Variants in VPS53 observed in about 807,000 individuals in gnomAD.
VPS53 encodes the protein VPS53 subunit of GARP complex, also known as vacuolar protein sorting-associated protein 53 homolog.
VPS53 carries 70 observed loss-of-function variants against 107.0 expected under a neutral mutation model. That is an observed-to-expected ratio of 0.65 (90% CI 0.54 to 0.80). The LOEUF is 0.80. Among genes scored for constraint, VPS53 ranks in the 30% least tolerant of loss-of-function variants. VPS53 has a pLI of 0.00. For synonymous variants in VPS53, 409 were observed against 393.3 expected, an observed-to-expected ratio of 1.04 and a Z score of -0.47; for missense variants, 917 against 1,049.4, an observed-to-expected ratio of 0.87 and a Z score of 1.74.
At chr17:599,233 C>G (rs1401750109) in intron 12 of VPS53, among the ~76,000 whole-genome samples, 1 of 152,038 alleles carries the variant, frequency 6.6e-6, no homozygotes, top group African/African-American at 2.4e-5. Context: ...GCCCGGCCAC[C>G]ACCCTGTCTG....
At chr17:543,982 G>A (rs1298880228) in intron 17 of VPS53, among the ~76,000 whole-genome samples, 7 of 97,404 alleles carry the variant, frequency 7.2e-5, no homozygotes, top group African/African-American at 2.4e-4. Flanking sequence ...AGGGAGGAAC[G>A]GAGAGAGGGA....
At chr17:693,192 C>T (rs554802716) in intron 4 of VPS53, among the ~76,000 whole-genome samples, 1 of 152,240 alleles carries the variant, frequency 6.6e-6, no homozygotes, top group South Asian at 2.1e-4. Context: ...AGCCTAGCAG[C>T]CATCTCGGCT....
intron 7 of VPS53, among the ~76,000 whole-genome samples, chr17:651,088 TACAC>T (rs1050626872): frequency 9.9e-5 from 15 of 152,104 alleles, no homozygotes; most frequent in Non-Finnish European, 1.6e-4. Flanking sequence ...TTTATGTAAA[TACAC>T]ACACAAATCC....
At chr17:657,881 G>C (rs1397042973) in intron 5 of VPS53, among the ~76,000 whole-genome samples, 1 of 151,810 alleles carries the variant, frequency 6.6e-6, no homozygotes, top group Non-Finnish European at 1.5e-5. Flanking sequence ...GGAGTTCGTG[G>C]ATAGATACAT....
At chr17:695,170 G>A (rs187632392) in intron 4 of VPS53, among the ~76,000 whole-genome samples, 113 of 152,302 alleles carry the variant, frequency 7.4e-4, no homozygotes, top group African/African-American at 2.6e-3. Flanking sequence ...ACAAGAATGG[G>A]GCTGTGGGAT....
intron 4 of VPS53, among the ~76,000 whole-genome samples, chr17:690,077 C>A (rs904111238): frequency 6.6e-6 from 1 of 152,184 alleles, no homozygotes; most frequent in Non-Finnish European, 1.5e-5. Context: ...GCACGTCACA[C>A]GGCTCTGAAT....
chr17:639,582 G>T (rs1242156372), intron 7 of VPS53, among the ~76,000 whole-genome samples: 1 of 152,198 alleles, frequency 6.6e-6, no homozygotes, highest in African/African-American at 2.4e-5. Context: ...GTGACGTACA[G>T]ATGGGGTTTT....
intron 19 of VPS53, among the ~76,000 whole-genome samples, chr17:525,602 GA>G (rs1185963091): frequency 1.3e-5 from 2 of 152,092 alleles, no homozygotes; most frequent in Non-Finnish European, 2.9e-5. Flanking sequence ...GCTGAGGTGG[GA>G]AGATGGCTTA....
intron 11 of VPS53, among the ~76,000 whole-genome samples, chr17:621,915 C>A (rs945877881): frequency 1.3e-5 from 2 of 151,938 alleles, no homozygotes; most frequent in African/African-American, 4.8e-5. Context: ...CCCTAATATT[C>A]TGTTATTAAA....
chr17:655,915 G>T lies in VPS53; in HGVS notation c.411C>A (p.His137Gln), dbSNP rs765870836. The T allele has an allele frequency of 6.2e-7, 1 of 1,613,862 alleles. No individual in the cohort carries two copies. Among genetic ancestry groups the T allele is most frequent in the Non-Finnish European group, 8.5e-7 (1 of 1,179,930 alleles). Residue 137 changes from histidine to glutamine, a missense_variant, in exon 6 of 22, where the codon CAC becomes CAA. His to Gln is a conservative substitution (Grantham distance 24, BLOSUM62 0). Coordinates refer to ENST00000437048, the MANE Select transcript of VPS53 (RefSeq NM_001128159.3). The part of the protein sequence containing the change: ...EITRDIKQLD[H>Q]AKRHLTTSIT... ...TTGAGGTGGTCAGGTGGCGTTTGGC[G>T]TGATCTAATTGCTTAATATCACGGG...
intron 6 of VPS53, among the ~76,000 whole-genome samples, chr17:654,510 G>A (rs934038716): frequency 3.2e-4 from 49 of 151,892 alleles, no homozygotes; most frequent in Middle Eastern, 3.2e-3. Context: ...AGGCCGAGGC[G>A]GGCAGATCAC....
At position 656,037 on chromosome 17, in the gene VPS53, G is replaced by T. The variant is rs1419880658; in HGVS notation, c.373-84C>A. The T allele has an allele frequency of 5.0e-6, 5 of 994,860 alleles. No homozygotes were observed. In the South Asian group the frequency reaches 6.4e-5, roughly 13 times the overall value. 61.6% of individuals were successfully genotyped at this position (994,860 alleles called of 1,614,324 possible). ...TTCTGCAAGTAGCTCTGTAAGAAACGAATGCAGATGAAGCAGGGAAAAATC... is the reference window on the plus strand; with the variant it reads ...TTCTGCAAGTAGCTCTGTAAGAAACTAATGCAGATGAAGCAGGGAAAAATC... On this transcript the variant is annotated intron_variant, in intron 5 of 21. Transcript: ENST00000437048.
chr17:633,034 A>G (rs1468528220), intron 7 of VPS53, among the ~76,000 whole-genome samples: 1 of 152,206 alleles, frequency 6.6e-6, no homozygotes, highest in African/African-American at 2.4e-5. Context: ...AAAACCAGCT[A>G]GAAAGGGGAG....
At chr17:708,252 C>A (rs1973494337) in intron 2 of VPS53, among the ~76,000 whole-genome samples, 1 of 152,144 alleles carries the variant, frequency 6.6e-6, no homozygotes, top group African/African-American at 2.4e-5. Flanking sequence ...GGCAAGGAGG[C>A]AGGGTAAGGA....
chr17:597,865 C>T lies in VPS53; in HGVS notation c.1218+3930G>A, dbSNP rs192747549. ...GATTACAGGCATGAGCCACCATTCCCGGCCATTTTTTTTTTAAATTACATA... is the reference window on the plus strand; with the variant it reads ...GATTACAGGCATGAGCCACCATTCCTGGCCATTTTTTTTTTAAATTACATA... On this transcript the variant is annotated intron_variant, in intron 12 of 21. Coordinates refer to ENST00000437048, the MANE Select transcript of VPS53 (RefSeq NM_001128159.3). Among the ~76,000 whole-genome samples, 149 of 152,126 alleles carry T rather than the reference C, an allele frequency of 9.8e-4. 2 individuals carry two copies. Among genetic ancestry groups the T allele is most frequent in the African/African-American group, 3.4e-3 (141 of 41,492 alleles).
chr17:552,160 C>T (rs201730351), intron 16 of VPS53, among the ~76,000 whole-genome samples: 4 of 152,310 alleles, frequency 2.6e-5, no homozygotes, highest in South Asian at 2.1e-4. Context: ...TAGAATCCCA[C>T]GGTCAGTCTC....
At chr17:549,773 T>C (rs1377684930) in intron 17 of VPS53, among the ~76,000 whole-genome samples, 1 of 152,178 alleles carries the variant, frequency 6.6e-6, no homozygotes, top group Non-Finnish European at 1.5e-5. Flanking sequence ...GCAGATGGAC[T>C]GGCCTCACTT....
chr17:683,590 T>C (rs1972480150), intron 4 of VPS53, among the ~76,000 whole-genome samples: 1 of 152,228 alleles, frequency 6.6e-6, no homozygotes, highest in Non-Finnish European at 1.5e-5. Flanking sequence ...ATGAGATCTA[T>C]GTGAGGTGAC....
intron 11 of VPS53, among the ~76,000 whole-genome samples, chr17:605,560 G>A (rs1190170836): frequency 8.1e-4 from 85 of 104,916 alleles, no homozygotes; most frequent in Non-Finnish European, 1.4e-3. Context: ...AGGGGTGGCG[G>A]GAGTCCCATC....
Sources: allele counts gnomAD v4.1 joint callset (sites outside exome capture counted in the v4.1 genomes callset), GRCh38; gene constraint gnomAD v4.1.1; transcripts MANE v1.5; gene names NCBI Gene and HGNC (gene_info 2026-07-23, HGNC 2026-07-21).